The following ECI1 variants were observed in gnomAD, a reference collection of about 807,000 sequenced individuals.
ECI1 encodes the protein enoyl-CoA delta isomerase 1.
A neutral mutation model predicts 34.2 loss-of-function variants in ECI1; 34 were observed. The observed-to-expected ratio is 1.00, with a 90% CI of 0.76 to 1.33. The LOEUF (loss-of-function observed/expected upper bound fraction) is 1.33, where lower values mean the gene tolerates loss of function less well. Among genes scored for constraint, ECI1 ranks in the 40% most tolerant of loss-of-function variants. The probability of loss-of-function intolerance (pLI) is 0.00; values close to 1 mark genes in which losing one functional copy is unlikely to be tolerated. For synonymous variants in ECI1, 211 were observed against 193.0 expected (o/e 1.09, Z -0.77); for missense variants, 456 against 422.2 (o/e 1.08, Z -0.70).
chr16:2,245,316 G>A (rs538020414), intron 3 of ECI1, among the ~76,000 whole-genome samples: 1 of 152,338 alleles, frequency 6.6e-6, no homozygotes, highest in Admixed American at 6.5e-5. Flanking sequence ...AGCTCACCCT[G>A]ACTCACACAA....
At chr16:2,241,857 AT>A (rs34621850) in intron 6 of ECI1, 62,461 of 131,632 alleles carry the variant, frequency 0.47, 14,127 homozygotes, top group African/African-American at 0.5. Context: ...CGCCCGGCTC[AT>A]TTTTTTTTTT....
At chr16:2,248,093 T>C (rs957777693) in intron 2 of ECI1, among the ~76,000 whole-genome samples, 6 of 152,166 alleles carry the variant, frequency 3.9e-5, no homozygotes, top group East Asian at 1.9e-4. Context: ...CATTCTCTCT[T>C]TCTCTCTCTA....
chr16:2,246,761 G>A, intron 3 of ECI1, 98 bp downstream of exon 3: 1 of 1,581,254 alleles, frequency 6.3e-7, no homozygotes, highest in Non-Finnish European at 8.6e-7. Context: ...CCACACGTTG[G>A]CAGGCTCTGC....
chr16:2,246,947 C>A lies in ECI1; in HGVS notation c.206G>T (p.Ser69Ile). 3.1e-6 allele frequency: 5 copies of A among 1,613,822 alleles called. No individual in the cohort carries two copies. Among genetic ancestry groups the A allele is most frequent in the Non-Finnish European group, 3.4e-6 (4 of 1,180,012 alleles). The change falls in exon 3 of 7, where the codon AGC (serine) becomes ATC (isoleucine). Residue 69 changes from serine to isoleucine, a missense_variant. Transcript: ENST00000301729. ...VMKFKNPPVN[S>I]LSLEFLTELV... ...CTCCGTCAGAAACTCCAGGCTCAGG[C>A]TGTTCACTGGGGGGTTCTTGAATTT...
chr16:2,251,476 CGGCCCCGGCCCG>C, intron 1 of ECI1, 27 bp downstream of exon 1: 1 of 1,539,362 alleles, frequency 6.5e-7, no homozygotes, highest in South Asian at 1.2e-5. Context: ...GTCCTGGCCC[CGGCCCCGGCCCG>C]ATCCCTGCCC....
chr16:2,249,961 G>A (rs1163012742), intron 2 of ECI1, among the ~76,000 whole-genome samples: 1 of 146,482 alleles, frequency 6.8e-6, no homozygotes, highest in Non-Finnish European at 1.5e-5. Context: ...GCAGTGAGCC[G>A]GAACCGCGCC....
At chr16:2,250,444 G>A (rs1307030183) in intron 2 of ECI1, among the ~76,000 whole-genome samples, 1 of 152,134 alleles carries the variant, frequency 6.6e-6, no homozygotes, top group Non-Finnish European at 1.5e-5. Flanking sequence ...CTGAGTCTGG[G>A]GGGTTGGGGA....
intron 6 of ECI1, chr16:2,242,800 C>G (rs1032391025): frequency 1.8e-6 from 1 of 554,454 alleles, no homozygotes; most frequent in Non-Finnish European, 3.2e-6. Flanking sequence ...CTCCCTGGAA[C>G]GCAGGGAGGA....
chr16:2,251,144 T>A (rs953782439), intron 2 of ECI1, among the ~76,000 whole-genome samples, 172 bp downstream of exon 2: 1 of 152,214 alleles, frequency 6.6e-6, no homozygotes, highest in African/African-American at 2.4e-5. Flanking sequence ...AAACAGAAAC[T>A]TTTATCTCAT....
At chr16:2,244,624 G>T in intron 3 of ECI1, 72 bp from the exon 4 acceptor site, 1 of 1,513,626 alleles carries the variant, frequency 6.6e-7, no homozygotes, top group Non-Finnish European at 9.0e-7. Context: ...GGAGGGCTGG[G>T]GAGCCCAGGT....
At chr16:2,244,615 G>C (rs2093536151) in intron 3 of ECI1, 63 bp from the exon 4 acceptor site, 1 of 1,527,438 alleles carries the variant, frequency 6.5e-7, no homozygotes, top group Non-Finnish European at 8.9e-7. Context: ...ATCACAGCAG[G>C]AGGGCTGGGG....
intron 2 of ECI1, among the ~76,000 whole-genome samples, chr16:2,249,351 A>G (rs1230509402): frequency 1.3e-5 from 2 of 151,868 alleles, no homozygotes; most frequent in African/African-American, 4.8e-5. Flanking sequence ...GCCCGGACTC[A>G]AAAACATGTT....
At chr16:2,242,368 A>G (rs1343502727) in intron 6 of ECI1, 1 of 152,964 alleles carries the variant, frequency 6.5e-6, no homozygotes, top group Non-Finnish European at 1.5e-5. Flanking sequence ...TTTCTGCTAC[A>G]AAGGTCTTAC....
At chr16:2,246,659 G>A (rs1020124281) in intron 3 of ECI1, among the ~76,000 whole-genome samples, 200 bp downstream of exon 3, 22 of 152,196 alleles carry the variant, frequency 1.4e-4, no homozygotes, top group African/African-American at 4.6e-4. Flanking sequence ...GGCAGTTTGG[G>A]TCCCTGCTGG....
At chr16:2,245,567 C>T (rs995627989) in intron 3 of ECI1, among the ~76,000 whole-genome samples, 1 of 152,174 alleles carries the variant, frequency 6.6e-6, no homozygotes, top group Non-Finnish European at 1.5e-5. Flanking sequence ...CGTTCTACTT[C>T]CGTTACTCAA....
intron 3 of ECI1, among the ~76,000 whole-genome samples, chr16:2,245,213 G>A (rs1045552990): frequency 5.3e-5 from 8 of 152,168 alleles, no homozygotes; most frequent in African/African-American, 1.9e-4. Flanking sequence ...CAAATGACAA[G>A]GGTACCTTCC....
intron 2 of ECI1, among the ~76,000 whole-genome samples, chr16:2,250,644 T>C (rs1475316469): frequency 6.6e-6 from 1 of 152,154 alleles, no homozygotes; most frequent in Non-Finnish European, 1.5e-5. Flanking sequence ...CTTCCAAAAG[T>C]ACTTTTTCTA....
At chr16:2,249,728 AT>A (rs2093548346) in intron 2 of ECI1, among the ~76,000 whole-genome samples, 1 of 150,464 alleles carries the variant, frequency 6.6e-6, no homozygotes, top group Admixed American at 6.6e-5. Flanking sequence ...AAAAAAAAAA[AT>A]TAGCCGGGCG....
At position 2,251,550 on chromosome 16, in the gene ECI1, G is replaced by C; in HGVS notation, c.17C>G (p.Ser6Cys). The change falls in exon 1 of 7, where the codon TCT becomes TGT. Residue 6 changes from serine (S) to cysteine (C), a missense_variant. Physicochemically the swap from Ser to Cys is moderately radical, Grantham distance 112. Transcript: ENST00000301729. MALVA[S>C]VRVPARVLLR... ...CAGAACGCGCGCCGGGACTCGCACA[G>C]AAGCCACCAGCGCCATCTTGACCGC... 6.4e-7 allele frequency: 1 copy of C among 1,559,904 alleles called. No homozygotes were observed.
Sources: allele counts gnomAD v4.1 joint callset (sites outside exome capture counted in the v4.1 genomes callset), GRCh38; gene constraint gnomAD v4.1.1; transcripts MANE v1.5; gene names NCBI Gene and HGNC (gene_info 2026-07-23, HGNC 2026-07-21).